PCDHGA8: variants seen among roughly 807,000 people sequenced by gnomAD.
The protein encoded by PCDHGA8 is protocadherin gamma-A8.
Under a neutral mutation model 59.2 loss-of-function variants are expected in PCDHGA8, and 45 were observed. The ratio of observed to expected loss-of-function variants is 0.76; its 90% CI spans 0.60 to 0.98. The LOEUF (loss-of-function observed/expected upper bound fraction) is 0.98. Among genes scored for constraint, PCDHGA8 ranks in the 50% least tolerant of loss-of-function variants. The pLI is 0.00. For synonymous variants in PCDHGA8, 531 were observed against 519.0 expected (o/e 1.02, Z -0.32); for missense variants, 1,257 against 1,196.2 (o/e 1.05, Z -0.75).
At chr5:141,411,134 G>A (rs1050594380) in intron 1 of PCDHGA8, 1 of 152,434 alleles carries the variant, frequency 6.6e-6, no homozygotes, top group Non-Finnish European at 1.5e-5. Context: ...ACAGGCGTGA[G>A]CCACAATATT....
Position 141,418,176 on chromosome 5 carries a change from T to G in PCDHGA8, c.2424+22939T>G, listed in dbSNP as rs1197334192. 1 of 1,614,078 alleles carries G rather than the reference T, an allele frequency of 6.2e-7. No individual in the cohort carries two copies. Among genetic ancestry groups the G allele is most frequent in the Non-Finnish European group, 8.5e-7 (1 of 1,179,908 alleles). On this transcript the variant is annotated intron_variant, in intron 1 of 3. Coordinates refer to ENST00000398604, the MANE Select transcript of PCDHGA8 (RefSeq NM_032088.2). ...GAGAGAAGAAGATGTGAGTTGCAAT[T>G]GGAAGCTGTGGTGGAAAATCCTTTA...
At chr5:141,467,103 AGTACAATG>A (rs1438695307) in intron 1 of PCDHGA8, among the ~76,000 whole-genome samples, 1 of 147,462 alleles carries the variant, frequency 6.8e-6, no homozygotes, top group East Asian at 2.0e-4. Flanking sequence ...CACAGGCTGG[AGTACAATG>A]GTGCAATCTC....
chr5:141,492,894 G>A (rs2099744893), intron 1 of PCDHGA8, among the ~76,000 whole-genome samples: 1 of 152,202 alleles, frequency 6.6e-6, no homozygotes, highest in Admixed American at 6.5e-5. Flanking sequence ...GGCTTTTGGC[G>A]CCGTCGTGAT....
In PCDHGA8 at chr5:141,431,019, C is replaced by A. The variant is rs1368671750; in HGVS notation, c.2424+35782C>A. 1 of 1,613,488 alleles carries A rather than the reference C, an allele frequency of 6.2e-7. No individual in the cohort carries two copies. The highest frequency in any genetic ancestry group is 1.7e-5 in the Admixed American group (1 of 59,968). ...CCGCGCAGCGGCAGCTTGGTCACGG[C>A]GGGCAGGATAGACCGGGAGGAGCTC... On this transcript the variant is annotated intron_variant, in intron 1 of 3. Transcript: ENST00000398604. The surrounding 1 kb of genome is among the most constrained non-coding windows in gnomAD (Gnocchi z 4.8).
At chr5:141,436,588 G>A (rs1182294845) in intron 1 of PCDHGA8, among the ~76,000 whole-genome samples, 3 of 152,138 alleles carry the variant, frequency 2.0e-5, no homozygotes, top group Non-Finnish European at 2.9e-5. Context: ...AATTTGAAAG[G>A]TCGTGGTGAT....
rs1346235587 is a variant in PCDHGA8, at chr5:141,392,819, C to T, written c.6C>T (p.Ala2=). Residue 2 remains alanine (A), a synonymous_variant, in exon 1 of 4, where the codon GCC becomes GCT. Transcript: ENST00000398604. ...GATTCTGCAGCAAAACAACAATGGC[C>T]GCTCCACAGAGTCGCCCCAGACGCG... The part of the protein sequence containing the change: M[A]APQSRPRRGE... 22 of 1,590,378 alleles carry T rather than the reference C, an allele frequency of 1.4e-5. No individual in the cohort carries two copies. Among genetic ancestry groups the T allele is most frequent in the Non-Finnish European group, 8.6e-6 (10 of 1,169,134 alleles).
At chr5:141,413,020 C>G in intron 1 of PCDHGA8, 7 of 693,768 alleles carry the variant, frequency 1.0e-5, no homozygotes, top group Non-Finnish European at 1.4e-5. Context: ...CTACACAAGC[C>G]CCACAAACCG....
intron 1 of PCDHGA8, among the ~76,000 whole-genome samples, chr5:141,483,913 C>G (rs988014158): frequency 6.7e-6 from 1 of 148,188 alleles, no homozygotes; most frequent in African/African-American, 2.5e-5. Context: ...GTTTCCCACT[C>G]AGATTGCAGG....
intron 1 of PCDHGA8, chr5:141,404,061 A>G (rs375910829): frequency 9.9e-6 from 16 of 1,613,906 alleles, no homozygotes; most frequent in African/African-American, 4.0e-5. Flanking sequence ...CTTCTTTTCA[A>G]TGCTCATGAC....
chr5:141,503,598 CAAA>C (rs765754054), intron 2 of PCDHGA8, among the ~76,000 whole-genome samples: 9 of 65,742 alleles, frequency 1.4e-4, no homozygotes, highest in Admixed American at 3.4e-4. Context: ...GACTCCAGCT[CAAA>C]AAAAAAAAAA....
intron 1 of PCDHGA8, chr5:141,416,673 C>A (rs1259750007): frequency 6.6e-6 from 1 of 151,958 alleles, no homozygotes; most frequent in Non-Finnish European, 1.5e-5. Flanking sequence ...ATATATGCAA[C>A]GAAGGGAAAT....
chr5:141,415,602 A>G (rs1208876851), intron 1 of PCDHGA8: 2 of 1,613,602 alleles, frequency 1.2e-6, no homozygotes, highest in African/African-American at 2.7e-5. Flanking sequence ...AGGATACCCC[A>G]TTGGTTCCAG....
intron 1 of PCDHGA8, chr5:141,428,805 C>G (rs1468764398): frequency 6.6e-6 from 1 of 152,108 alleles, no homozygotes; most frequent in African/African-American, 2.4e-5. Flanking sequence ...GGGCCAGTAA[C>G]TTCATTATTA....
At position 141,393,934 on chromosome 5, in the gene PCDHGA8, A is replaced by G; in HGVS notation, c.1121A>G (p.Gln374Arg). The part of the protein sequence containing the change: ...TVIAFLSVHD[Q>R]DSGKNGQVVC... ...ATTGCCTTCTTGAGTGTGCATGACC[A>G]AGACTCTGGAAAGAATGGTCAAGTT... Residue 374 changes from glutamine to arginine, a missense_variant, in exon 1 of 4, where the codon CAA (glutamine) becomes CGA (arginine). Gln to Arg is a conservative substitution (Grantham distance 43). Transcript: ENST00000398604. 1.9e-6 allele frequency: 3 copies of G among 1,613,984 alleles called. No individual in the cohort carries two copies. The highest frequency in any genetic ancestry group is 2.5e-6 in the Non-Finnish European group (3 of 1,179,880).
chr5:141,501,971 G>A (rs2099812098), intron 2 of PCDHGA8, among the ~76,000 whole-genome samples: 1 of 151,956 alleles, frequency 6.6e-6, no homozygotes. Context: ...CCTAACCTCT[G>A]GCATCTGGTC....
chr5:141,496,192 C>T (rs942276204), intron 2 of PCDHGA8, among the ~76,000 whole-genome samples: 1 of 152,098 alleles, frequency 6.6e-6, no homozygotes, highest in Non-Finnish European at 1.5e-5. Flanking sequence ...CCCAGCTGCT[C>T]ATTTCAATCT....
intron 1 of PCDHGA8, chr5:141,433,370 T>TCTAA (rs1466476027): frequency 1.8e-6 from 1 of 554,768 alleles, no homozygotes; most frequent in African/African-American, 1.9e-5. Context: ...TATCTATCTA[T>TCTAA]CTATCTATCT....
chr5:141,404,952 G>T, intron 1 of PCDHGA8: 1 of 1,614,030 alleles, frequency 6.2e-7, no homozygotes, highest in Non-Finnish European at 8.5e-7. Flanking sequence ...ATAGCTGACA[G>T]CATCCCAGAC....
rs753664223 is a variant in PCDHGA8 at position 141,410,518 on chromosome 5, C to G, written c.2424+15281C>G. 5.0e-6 allele frequency: 8 copies of G among 1,613,820 alleles called. No homozygotes were observed. In the East Asian group the frequency reaches 1.8e-4, roughly 36 times the overall value. On this transcript the variant is annotated intron_variant, in intron 1 of 3. Coordinates refer to ENST00000398604, the MANE Select transcript of PCDHGA8 (RefSeq NM_032088.2). ...TTAATTTCCTAAAATGCAGTGTGCC[C>G]CTACATTCCAATGAAGACATGGTTT...
Sources: allele counts gnomAD v4.1 joint callset (sites outside exome capture counted in the v4.1 genomes callset), GRCh38; gene constraint gnomAD v4.1.1; non-coding constraint Gnocchi (gnomAD v3.1); transcripts MANE v1.5; gene names NCBI Gene and HGNC (gene_info 2026-07-23, HGNC 2026-07-21).